LHPP: variants seen among roughly 807,000 people sequenced by gnomAD.
The protein encoded by LHPP is phospholysine phosphohistidine inorganic pyrophosphate phosphatase.
In LHPP, 24 loss-of-function variants were observed where a neutral mutation model predicts 30.3. That is an observed-to-expected ratio of 0.79 (90% CI 0.57 to 1.11). The LOEUF (loss-of-function observed/expected upper bound fraction) is 1.11. LHPP is among the 50% of genes most tolerant of loss of function. The probability of loss-of-function intolerance (pLI) is 0.00; values close to 1 mark genes in which losing one functional copy is unlikely to be tolerated. For missense variants in LHPP, 356 were observed against 367.2 expected (o/e 0.97, Z 0.25); for synonymous variants, 150 against 157.1 (o/e 0.95, Z 0.34).
intron 3 of LHPP, among the ~76,000 whole-genome samples, chr10:124,491,517 C>T (rs965856519): frequency 6.6e-6 from 1 of 152,184 alleles, no homozygotes. Flanking sequence ...AAGCTGCTGT[C>T]CCCCAGCCAT....
chr10:124,609,813 G>C (rs769189424), intron 6 of LHPP, among the ~76,000 whole-genome samples: 12 of 152,172 alleles, frequency 7.9e-5, no homozygotes, highest in African/African-American at 2.9e-4. Context: ...CCATTGCCGC[G>C]GCAGGAACTC....
chr10:124,562,804 C>T (rs1314853998), intron 6 of LHPP, among the ~76,000 whole-genome samples: 3 of 151,896 alleles, frequency 2.0e-5, no homozygotes, highest in Non-Finnish European at 2.9e-5. Context: ...TGATGGTGCT[C>T]GCCTGTAATT....
chr10:124,547,022 C>T (rs1955364618), intron 6 of LHPP, among the ~76,000 whole-genome samples: 1 of 52,806 alleles, frequency 1.9e-5, no homozygotes, highest in Non-Finnish European at 3.2e-5. Context: ...TCTTTTTCTG[C>T]ACACACACAC....
At chr10:124,578,250 C>T (rs1948694167) in intron 6 of LHPP, among the ~76,000 whole-genome samples, 1 of 152,250 alleles carries the variant, frequency 6.6e-6, no homozygotes, top group Non-Finnish European at 1.5e-5. Context: ...AGAACGAAGA[C>T]CAAGTCCGTG....
intron 5 of LHPP, among the ~76,000 whole-genome samples, chr10:124,509,612 T>C (rs1430270221): frequency 6.6e-6 from 1 of 151,940 alleles, no homozygotes; most frequent in Non-Finnish European, 1.5e-5. Context: ...TCTTGTTCCT[T>C]ATGAAGGTGT....
intron 5 of LHPP, among the ~76,000 whole-genome samples, chr10:124,505,799 T>C (rs1954043535): frequency 1.3e-5 from 2 of 152,144 alleles, no homozygotes; most frequent in African/African-American, 2.4e-5. Context: ...GCAGGTTTAG[T>C]GGAGATTGAG....
chr10:124,603,137 C>T (rs1014695636), intron 6 of LHPP, among the ~76,000 whole-genome samples: 9 of 152,204 alleles, frequency 5.9e-5, no homozygotes, highest in Non-Finnish European at 1.2e-4. Flanking sequence ...GTGCTGCCTG[C>T]GGGCGGCAGC....
At chr10:124,574,876 CCTT>C (rs1220585995) in intron 6 of LHPP, among the ~76,000 whole-genome samples, 2 of 152,094 alleles carry the variant, frequency 1.3e-5, no homozygotes, top group East Asian at 1.9e-4. Flanking sequence ...CCACTGCTGT[CCTT>C]CTCCACTCTC....
At chr10:124,611,485 C>G (rs1053823504) in intron 6 of LHPP, among the ~76,000 whole-genome samples, 1 of 151,922 alleles carries the variant, frequency 6.6e-6, no homozygotes, top group Non-Finnish European at 1.5e-5. Flanking sequence ...CCCATACAAG[C>G]AGGTGGGCAA....
At chr10:124,597,050 C>T (rs1211525345) in intron 6 of LHPP, among the ~76,000 whole-genome samples, 2 of 152,158 alleles carry the variant, frequency 1.3e-5, no homozygotes, top group Non-Finnish European at 2.9e-5. Context: ...TTTCATCCGT[C>T]TCCCGTGCTG....
At chr10:124,498,267 C>G (rs1387259942) in intron 5 of LHPP, 139 bp downstream of exon 5, 2 of 1,545,074 alleles carry the variant, frequency 1.3e-6, no homozygotes, top group African/African-American at 2.7e-5. Flanking sequence ...GAAAGCTGAC[C>G]TGGCTGGGAA....
At chr10:124,511,671 C>T (rs765844799) in intron 5 of LHPP, among the ~76,000 whole-genome samples, 6 of 152,170 alleles carry the variant, frequency 3.9e-5, no homozygotes, top group African/African-American at 9.7e-5. Context: ...AGAAAAGCTC[C>T]GTTTTCAGCT....
intron 5 of LHPP, among the ~76,000 whole-genome samples, chr10:124,509,254 C>G (rs66531207): frequency 6.6e-6 from 1 of 152,062 alleles, no homozygotes; most frequent in Non-Finnish European, 1.5e-5. Context: ...AGCACTTTAA[C>G]GAAGCAGTTT....
At chr10:124,568,410 C>A (rs1248150548) in intron 6 of LHPP, among the ~76,000 whole-genome samples, 1 of 152,218 alleles carries the variant, frequency 6.6e-6, no homozygotes, top group Non-Finnish European at 1.5e-5. Flanking sequence ...CATTCCCCGG[C>A]CTCTGCCCCC....
intron 6 of LHPP, among the ~76,000 whole-genome samples, chr10:124,538,548 A>T (rs934109797): frequency 4.0e-5 from 6 of 151,560 alleles, no homozygotes; most frequent in African/African-American, 1.5e-4. Context: ...GGTGGGGTGG[A>T]CCCCCTGCCC....
intron 6 of LHPP, among the ~76,000 whole-genome samples, chr10:124,572,523 C>A (rs891115685): frequency 6.6e-6 from 1 of 151,626 alleles, no homozygotes; most frequent in South Asian, 2.1e-4. Flanking sequence ...CCCAGCTGCT[C>A]GGGAGGCTGA....
chr10:124,545,004 C>T (rs1252345841), intron 6 of LHPP, among the ~76,000 whole-genome samples: 1 of 152,142 alleles, frequency 6.6e-6, no homozygotes, highest in African/African-American at 2.4e-5. Context: ...CCTGTCTCTG[C>T]CCCACTCTGA....
chr10:124,478,060 G>A lies in LHPP; in HGVS notation c.126-6079G>A, dbSNP rs1327605293. Among the ~76,000 whole-genome samples, 2 of 152,200 alleles carry A rather than the reference G, an allele frequency of 1.3e-5. No individual in the cohort carries two copies. The highest frequency in any genetic ancestry group is 4.8e-5 in the African/African-American group (2 of 41,454). Reference sequence around the variant, plus strand: ...AGGTGCTGATCTTGGCTCCACTGTGGTTGGGCACCAGGCATGGCAGAGGTG... The same window carrying A: ...AGGTGCTGATCTTGGCTCCACTGTGATTGGGCACCAGGCATGGCAGAGGTG... On this transcript the variant is annotated intron_variant, in intron 1 of 6. Transcript: ENST00000368842. The surrounding 1 kb of genome is among the most constrained non-coding windows in gnomAD (Gnocchi z 4.7).
At chr10:124,546,674 T>G (rs1955352518) in intron 6 of LHPP, among the ~76,000 whole-genome samples, 1 of 152,010 alleles carries the variant, frequency 6.6e-6, no homozygotes, top group Non-Finnish European at 1.5e-5. Context: ...CCTCCCAAAG[T>G]GCTGGAATTA....
Sources: gnomAD v4.1 joint callset for allele counts (sites outside exome capture counted in the v4.1 genomes callset) on GRCh38, gnomAD v4.1.1 for gene constraint, Gnocchi (gnomAD v3.1) non-coding constraint, MANE v1.5 for transcripts, NCBI Gene and HGNC (gene_info 2026-07-23, HGNC 2026-07-21) for gene names.